Variants in CHIT1 observed in about 807,000 individuals in gnomAD.
CHIT1 encodes chitotriosidase-1.
A neutral mutation model predicts 52.0 loss-of-function variants in CHIT1; 47 were observed. That is an observed-to-expected ratio of 0.90 (90% CI 0.71 to 1.15). CHIT1 has a LOEUF of 1.15. Ranked by LOEUF, CHIT1 falls within the 50% of genes most tolerant of loss-of-function variation. CHIT1 has a pLI of 0.00. For synonymous variants in CHIT1, 242 were observed against 228.2 expected, an observed-to-expected ratio of 1.06 and a Z score of -0.54; for missense variants, 569 against 583.0, an observed-to-expected ratio of 0.98 and a Z score of 0.25.
In CHIT1 at chr1:203,217,819, G is replaced by A. The variant is rs201682373; in HGVS notation, c.1076C>T (p.Ala359Val). ...GCCGGCAAAGTCATCTAAGTCCAGT[G>A]CCCAGACCATGGCCCCGCCCAGTCC... is the stretch of plus-strand genomic sequence containing the variant. ...QKGLGGAMVW[A>V]LDLDDFAGFS... Residue 359 changes from alanine to valine, a missense_variant, in exon 10 of 11, where the codon GCA (alanine) becomes GTA (valine). By Grantham distance (64) the Ala-to-Val change is moderately conservative. Coordinates refer to ENST00000367229, the MANE Select transcript of CHIT1 (RefSeq NM_003465.3). 8.4e-7 allele frequency: 1 copy of A among 1,185,448 alleles called. No homozygotes were observed. The highest frequency in any genetic ancestry group is 1.7e-5 in the South Asian group (1 of 58,770). 73.4% of individuals were successfully genotyped at this position (1,185,448 alleles called of 1,614,324 possible). A position where few individuals can be genotyped will look rare whatever the true frequency, so the allele number is the denominator to read the frequency against.
intron 7 of CHIT1, 75 bp from the exon 8 acceptor site, chr1:203,219,924 G>C: frequency 6.5e-7 from 1 of 1,547,826 alleles, no homozygotes; most frequent in Non-Finnish European, 8.8e-7. Flanking sequence ...GGGATCCAGA[G>C]GCAGAGCTAG....
In CHIT1 at chr1:203,225,830, G is replaced by A. The variant is rs1656909561; in HGVS notation, c.96C>T (p.Ala32=). Residue 32 remains alanine (A), a synonymous_variant, in exon 3 of 11, where the codon GCC becomes GCT. Transcript: ENST00000367229. ...AKLVCYFTNW[A]QYRQGEARFL... is the part of the protein sequence containing the mutation. ...AGCGAGCCTCCCCCTGTCTGTACTGGGCCCAGTTGGTGAAGTAGCAGACCA... is the reference window on the plus strand; with the variant it reads ...AGCGAGCCTCCCCCTGTCTGTACTGAGCCCAGTTGGTGAAGTAGCAGACCA... 4.3e-6 allele frequency: 7 copies of A among 1,614,166 alleles called. No individual in the cohort carries two copies. The highest frequency in any genetic ancestry group is 5.9e-6 in the Non-Finnish European group (7 of 1,180,040).
chr1:203,217,444 C>T, intron 10 of CHIT1: 1 of 1,401,810 alleles, frequency 7.1e-7, no homozygotes, highest in East Asian at 2.7e-5. Flanking sequence ...AGGCTTTCTC[C>T]CAGGTAAGAG....
rs767001728 is a variant in CHIT1, at chr1:203,216,808, C to T, written c.*81G>A. The T allele has an allele frequency of 3.8e-6, 6 of 1,593,486 alleles. No homozygotes were observed. The highest frequency in any genetic ancestry group is 1.7e-5 in the Admixed American group (1 of 59,956). The stretch of plus-strand genomic sequence containing the variant: ...AGGCCTGCAGGAGCCAGATTGCGGC[C>T]CCCAGGGAAAACCCAGGAGGCAGGC... On this transcript the variant is annotated 3_prime_UTR_variant, in exon 11 of 11. Coordinates refer to ENST00000367229, the MANE Select transcript of CHIT1 (RefSeq NM_003465.3).
At position 203,219,646 on chromosome 1, in the gene CHIT1, G is replaced by A. The variant is rs765127081; in HGVS notation, c.915+18C>T. ...CCCTGACCCTCACAATACCCAGGGT[G>A]GTTATGGGTTTTCCTACTTCATAGT... On this transcript the variant is annotated intron_variant, in intron 8 of 10. Coordinates refer to ENST00000367229, the MANE Select transcript of CHIT1 (RefSeq NM_003465.3). 3 of 1,613,778 alleles carry A rather than the reference G, an allele frequency of 1.9e-6. No homozygotes were observed. Among genetic ancestry groups the A allele is most frequent in the African/African-American group, 1.3e-5 (1 of 75,052 alleles).
At position 203,216,865 on chromosome 1, in the gene CHIT1, T is replaced by G. The variant is rs1656548319; in HGVS notation, c.*24A>C. ...GTGATCCTGGGCCCAGCCTCAAAGC[T>G]GGGACTGGAGGGGCTTTAGCGACTC... On this transcript the variant is annotated 3_prime_UTR_variant, in exon 11 of 11. Transcript: ENST00000367229. The G allele has an allele frequency of 6.2e-7, 1 of 1,613,468 alleles. No homozygotes were observed. Among genetic ancestry groups the G allele is most frequent in the African/African-American group, 1.3e-5 (1 of 74,918 alleles).
At chr1:203,217,897 CG>C (rs752734289) in intron 9 of CHIT1, 32 bp from the exon 10 acceptor site, 122 of 1,594,838 alleles carry the variant, frequency 7.6e-5, no homozygotes, top group Non-Finnish European at 1.0e-4. Flanking sequence ...TGGAGGAGCC[CG>C]GGGAAGCCTG....
intron 10 of CHIT1, 170 bp from the exon 11 acceptor site, chr1:203,217,303 TACA>T: frequency 6.5e-7 from 1 of 1,539,262 alleles, no homozygotes; most frequent in Non-Finnish European, 8.7e-7. Flanking sequence ...CAGCCATACC[TACA>T]GCTGAAGCAC....
chr1:203,225,631 C>A (rs527807602), intron 3 of CHIT1, 38 bp downstream of exon 3: 29 of 1,593,204 alleles, frequency 1.8e-5, no homozygotes, highest in Non-Finnish European at 2.5e-5. Context: ...TGTCACCCCA[C>A]CACATCCCAC....
rs1210742277 is a variant in CHIT1 at position 203,216,130 on chromosome 1, C to T, written c.*759G>A. 1 of 454,126 alleles carries T rather than the reference C, an allele frequency of 2.2e-6. No homozygotes were observed. Among genetic ancestry groups the T allele is most frequent in the South Asian group, 1.6e-5 (1 of 64,478 alleles). 28.1% of individuals were successfully genotyped at this position (454,126 alleles called of 1,614,324 possible). A position where few individuals can be genotyped will look rare whatever the true frequency, so the allele number is the denominator to read the frequency against. On this transcript the variant is annotated 3_prime_UTR_variant, in exon 11 of 11. Coordinates refer to ENST00000367229, the MANE Select transcript of CHIT1 (RefSeq NM_003465.3). ...AGGACACCGTGTGCATGCTCTCTGG[C>T]CCATTTCAGGCCTTGGTTCTGGACT...
rs1258388123 is a variant in CHIT1, at chr1:203,219,734, C to G, written c.845G>C (p.Gly282Ala). 4 of 1,614,046 alleles carry G rather than the reference C, an allele frequency of 2.5e-6. No homozygotes were observed. In the South Asian group the frequency reaches 4.4e-5, roughly 18 times the overall value. Reference sequence around the variant, plus strand: ...AGTGCCAGACCCTGTGGCTGGGGCCCCCACTCTGGTGTCTGATGAGGAGGC... The same window carrying G: ...AGTGCCAGACCCTGTGGCTGGGGCCGCCACTCTGGTGTCTGATGAGGAGGC... ...TLASSSDTRV[G>A]APATGSGTPG... Residue 282 changes from glycine to alanine, a missense_variant, in exon 8 of 11, where the codon GGG (glycine) becomes GCG (alanine). Transcript: ENST00000367229.
chr1:203,229,917 TGATG>T (rs3051478), upstream of CHIT1: 6 of 502,690 alleles, frequency 1.2e-5, no homozygotes, highest in East Asian at 2.3e-4. Flanking sequence ...CTGAACCTCC[TGATG>T]GATGAGCATG....
At chr1:203,217,373 C>G in intron 10 of CHIT1, 1 of 1,504,340 alleles carries the variant, frequency 6.6e-7, no homozygotes, top group Non-Finnish European at 8.9e-7. Context: ...CTTTACCCAT[C>G]TGCAAGCACA....
rs760729445 is a variant in CHIT1 at position 203,217,835 on chromosome 1, C to CGCCCAGTCCCTAGACCATGGCCCT, written c.1059_1060insAGGGCCATGGTCTAGGGACTGGGC (p.Gly353_Gly354insArgAlaMetValTer). On this transcript the variant is annotated stop_gained and inframe_insertion, in exon 10 of 11. Transcript: ENST00000367229. LOFTEE classifies it high-confidence loss of function. ...AAGTCCAGTGCCCAGACCATGGCCC[C>CGCCCAGTCCCTAGACCATGGCCCT]GCCCAGTCCCTTCTGCTTCAGATAG... 1.2e-6 allele frequency: 2 copies of CGCCCAGTCCCTAGACCATGGCCCT among 1,613,930 alleles called. No homozygotes were observed. The highest frequency in any genetic ancestry group is 1.1e-5 in the South Asian group (1 of 91,042).
At chr1:203,218,651 C>G (rs1239207450) in intron 9 of CHIT1, among the ~76,000 whole-genome samples, 3 of 152,164 alleles carry the variant, frequency 2.0e-5, no homozygotes, top group Non-Finnish European at 4.4e-5. Flanking sequence ...CCACCGTGAC[C>G]CCTTCTCCCA....
At position 203,223,539 on chromosome 1, in the gene CHIT1, C is replaced by G. The variant is rs757592910; in HGVS notation, c.436G>C (p.Gly146Arg). ...DLDWEYPGSQ[G>R]SPAVDKERFT... ...CGCTCCTTGTCTACGGCAGGGCTCC[C>G]CTGGCTTCCTGGGTACTCCCAGTCA... Residue 146 changes from glycine (G) to arginine (R), a missense_variant, in exon 5 of 11, where the codon GGG becomes CGG. Physicochemically the swap from Gly to Arg is moderately radical, Grantham distance 125. Transcript: ENST00000367229. 1.2e-6 allele frequency: 2 copies of G among 1,614,226 alleles called. No individual in the cohort carries two copies. The highest frequency in any genetic ancestry group is 1.7e-6 in the Non-Finnish European group (2 of 1,180,040).
rs561125733 is a variant in CHIT1, at chr1:203,222,861, C to T, written c.605+274G>A. 7.2e-5 allele frequency among the ~76,000 whole-genome samples: 11 copies of T among 152,232 alleles called. No homozygotes were observed. The East Asian group carries it at 1.9e-3, about 27-fold the overall frequency. ...ACTACCCACTCAGAGGCATTTTCACCTTAAGAATGAGTTCCCGAGGAAGAG... is the reference window on the plus strand; with the variant it reads ...ACTACCCACTCAGAGGCATTTTCACTTTAAGAATGAGTTCCCGAGGAAGAG... On this transcript the variant is annotated intron_variant, in intron 6 of 10. Transcript: ENST00000367229.
At chr1:203,228,813 C>T (rs1412231725) in intron 1 of CHIT1, among the ~76,000 whole-genome samples, 1 of 152,210 alleles carries the variant, frequency 6.6e-6, no homozygotes, top group Non-Finnish European at 1.5e-5. Flanking sequence ...GCTGCCCCCT[C>T]TCTATACCTC....
At chr1:203,217,591 C>A in intron 10 of CHIT1, 148 bp downstream of exon 10, 1 of 1,353,622 alleles carries the variant, frequency 7.4e-7, no homozygotes. Context: ...TCCTTAGCTC[C>A]TGCGGGTACA....
Sources: allele counts gnomAD v4.1 joint callset (sites outside exome capture counted in the v4.1 genomes callset), GRCh38; gene constraint gnomAD v4.1.1; transcripts MANE v1.5; gene names NCBI Gene and HGNC (gene_info 2026-07-23, HGNC 2026-07-21).